The following CAST variants were observed in gnomAD, a reference collection of about 807,000 sequenced individuals.
CAST encodes calpastatin, also known as MIR583 host.
Under a neutral mutation model 119.6 loss-of-function variants are expected in CAST, and 76 were observed. That is an observed-to-expected ratio of 0.64 (90% CI 0.53 to 0.77). The LOEUF (loss-of-function observed/expected upper bound fraction) is 0.77, where lower values mean the gene tolerates loss of function less well. CAST is among the 30% of genes least tolerant of loss of function. CAST has a pLI of 0.00. For synonymous variants in CAST, 319 were observed against 331.6 expected (o/e 0.96, Z 0.41); for missense variants, 953 against 946.5 (o/e 1.01, Z -0.09).
chr5:96,626,573 C>T (rs1439545585), intron 1 of CAST, among the ~76,000 whole-genome samples: 1 of 152,208 alleles, frequency 6.6e-6, no homozygotes, highest in Non-Finnish European at 1.5e-5. Context: ...AGCCCCACCT[C>T]CTCCCATCTT....
chr5:96,703,039 G>A (rs1754185377), intron 3 of CAST: 2 of 704,190 alleles, frequency 2.8e-6, no homozygotes, highest in Admixed American at 6.3e-5. Flanking sequence ...CCCAGGCTCG[G>A]GACGTGCGCT....
chr5:96,049,795 G>C, the CAST span, among the ~76,000 whole-genome samples: 1 of 144,136 alleles, frequency 6.9e-6, no homozygotes, highest in Admixed American at 7.1e-5. Flanking sequence ...TTGGGGAGTT[G>C]GTATTTTCTA....
chr5:96,751,590 C>T (rs1212731702), intron 20 of CAST, among the ~76,000 whole-genome samples: 1 of 152,124 alleles, frequency 6.6e-6, no homozygotes, highest in African/African-American at 2.4e-5. Context: ...TCTTCAGGTA[C>T]TTTTTACAGC....
rs140414671 is a variant in CAST at position 96,753,749 on chromosome 5, G to T, written c.1525-311G>T. 2.3e-3 allele frequency among the ~76,000 whole-genome samples: 350 copies of T among 152,048 alleles called. 1 individual carries two copies. The highest frequency in any genetic ancestry group is 8.2e-3 in the African/African-American group (338 of 41,452). On this transcript the variant is annotated intron_variant, in intron 20 of 31. Coordinates refer to ENST00000675179, the MANE Select transcript of CAST (RefSeq NM_001750.7). ...AAAGACCACGTCTTTCTTTTTTCCT[G>T]GTATGCAACTTATCTGTGATACACC...
At chr5:96,289,128 T>C in the CAST span, among the ~76,000 whole-genome samples, 1 of 152,188 alleles carries the variant, frequency 6.6e-6, no homozygotes, top group Admixed American at 6.5e-5. Context: ...TAGAATACTT[T>C]GGGCACAGTG....
chr5:96,362,643 T>A, the CAST span, among the ~76,000 whole-genome samples: 4 of 152,202 alleles, frequency 2.6e-5, no homozygotes. Context: ...TTTTCAGAGG[T>A]GTCTGTTCAT....
chr5:96,432,375 A>G, the CAST span, among the ~76,000 whole-genome samples: 3 of 152,154 alleles, frequency 2.0e-5, no homozygotes, highest in Admixed American at 1.3e-4. Context: ...GCCAGGGCGG[A>G]CAGCCCCAAG....
chr5:96,690,493 G>A (rs183208115), intron 2 of CAST, among the ~76,000 whole-genome samples: 3 of 152,286 alleles, frequency 2.0e-5, no homozygotes, highest in Admixed American at 6.5e-5. Context: ...GCCTGCCAAA[G>A]TGCTAGGATT....
At chr5:96,118,519 G>A in the CAST span, among the ~76,000 whole-genome samples, 2 of 152,028 alleles carry the variant, frequency 1.3e-5, no homozygotes, top group Admixed American at 6.6e-5. Flanking sequence ...TTGTTGTCTG[G>A]ATTAGGTCAC....
chr5:96,489,806 G>C, the CAST span, among the ~76,000 whole-genome samples: 1 of 152,158 alleles, frequency 6.6e-6, no homozygotes, highest in African/African-American at 2.4e-5. Flanking sequence ...TGGGCTATGA[G>C]ACGGCATTCC....
the CAST span, among the ~76,000 whole-genome samples, chr5:96,446,467 A>G: frequency 6.6e-6 from 1 of 152,194 alleles, no homozygotes; most frequent in Admixed American, 6.5e-5. Context: ...TGGCAGGATG[A>G]AATTTTGAGA....
At chr5:96,170,540 G>C in the CAST span, among the ~76,000 whole-genome samples, 2 of 152,186 alleles carry the variant, frequency 1.3e-5, no homozygotes, top group Admixed American at 1.3e-4. Flanking sequence ...GCTATTATGG[G>C]GTTTGAGGGC....
intron 3 of CAST, chr5:96,696,169 T>C: frequency 4.5e-6 from 1 of 222,278 alleles, no homozygotes; most frequent in Non-Finnish European, 8.9e-6. Flanking sequence ...GATGACTATC[T>C]GCAGATAATA....
the CAST span, among the ~76,000 whole-genome samples, chr5:96,011,831 T>A: frequency 6.6e-6 from 1 of 152,168 alleles, no homozygotes; most frequent in African/African-American, 2.4e-5. Context: ...TAATGCTTGT[T>A]ATGGGAAAGT....
At chr5:96,461,724 A>T in the CAST span, among the ~76,000 whole-genome samples, 1 of 152,260 alleles carries the variant, frequency 6.6e-6, no homozygotes, top group East Asian at 1.9e-4. Context: ...TAACTTGAGG[A>T]TAGTTTTCCC....
At chr5:96,355,710 A>T in the CAST span, among the ~76,000 whole-genome samples, 520 of 148,872 alleles carry the variant, frequency 3.5e-3, 2 homozygotes, top group African/African-American at 6.4e-3. Context: ...GACGTCTTTT[A>T]TTTTTTTTTT....
the CAST span, among the ~76,000 whole-genome samples, chr5:95,964,646 C>T: frequency 6.6e-6 from 1 of 152,138 alleles, no homozygotes; most frequent in Admixed American, 6.5e-5. Context: ...TAGATGGAGA[C>T]AGCCCAACTA....
At chr5:96,458,860 A>G in the CAST span, among the ~76,000 whole-genome samples, 3 of 152,124 alleles carry the variant, frequency 2.0e-5, no homozygotes, top group Non-Finnish European at 4.4e-5. Flanking sequence ...TCACACCCTC[A>G]GATCTCACCC....
At chr5:96,675,699 T>A in intron 2 of CAST, 98 bp downstream of exon 2, 1 of 821,750 alleles carries the variant, frequency 1.2e-6, no homozygotes, top group Non-Finnish European at 1.9e-6. Context: ...AGCTTCTACC[T>A]TGCTTAATAT....
Sources: allele counts gnomAD v4.1 joint callset (sites outside exome capture counted in the v4.1 genomes callset), GRCh38; gene constraint gnomAD v4.1.1; transcripts MANE v1.5; gene names NCBI Gene and HGNC (gene_info 2026-07-23, HGNC 2026-07-21).